Variants in FNDC1 observed in about 807,000 individuals in gnomAD.
The protein encoded by FNDC1 is fibronectin type III domain containing 1, also known as fibronectin type III domain-containing protein 1.
In FNDC1, 96 loss-of-function variants were observed where a neutral mutation model predicts 168.0. That is an observed-to-expected ratio of 0.57 (90% CI 0.48 to 0.68). The LOEUF (loss-of-function observed/expected upper bound fraction) is 0.68. Ranked by LOEUF, FNDC1 falls within the 30% of genes least tolerant of loss-of-function variation. The pLI is 0.00. For synonymous variants in FNDC1, 1,099 were observed against 1,025.9 expected (o/e 1.07, Z -1.36); for missense variants, 2,587 against 2,482.1 (o/e 1.04, Z -0.90).
chr6:159,216,676 G>T (rs543656256), intron 5 of FNDC1, among the ~76,000 whole-genome samples: 1 of 152,360 alleles, frequency 6.6e-6, no homozygotes, highest in Admixed American at 6.5e-5. Flanking sequence ...CCGGGCCACA[G>T]AGAGCACACG....
At chr6:159,179,515 C>A (rs971261056) in intron 1 of FNDC1, among the ~76,000 whole-genome samples, 3 of 152,164 alleles carry the variant, frequency 2.0e-5, no homozygotes, top group Non-Finnish European at 4.4e-5. Flanking sequence ...TCTTCAGGTT[C>A]TTTGTGCAAC....
At chr6:159,216,351 G>A (rs1782709808) in intron 5 of FNDC1, among the ~76,000 whole-genome samples, 1 of 152,194 alleles carries the variant, frequency 6.6e-6, no homozygotes, top group Non-Finnish European at 1.5e-5. Flanking sequence ...CCCTTATTGG[G>A]CAAAGGAAGC....
chr6:159,179,035 C>T (rs1781827769), intron 1 of FNDC1, among the ~76,000 whole-genome samples: 1 of 152,224 alleles, frequency 6.6e-6, no homozygotes, highest in African/African-American at 2.4e-5. Context: ...CACACCACGC[C>T]CTCCCTCACC....
intron 19 of FNDC1, among the ~76,000 whole-genome samples, chr6:159,263,775 A>G (rs1777539645): frequency 6.6e-6 from 1 of 152,000 alleles, no homozygotes; most frequent in South Asian, 2.1e-4. Context: ...ATAAAATAAG[A>G]TAAAATAAAA....
At chr6:159,221,532 C>T in intron 5 of FNDC1, 66 bp from the exon 6 acceptor site, 2 of 1,287,022 alleles carry the variant, frequency 1.6e-6, no homozygotes, top group African/African-American at 1.5e-5. Context: ...CCCGCTCCAG[C>T]CCCAGGGGAT....
At chr6:159,220,713 G>A (rs886494936) in intron 5 of FNDC1, among the ~76,000 whole-genome samples, 3 of 152,176 alleles carry the variant, frequency 2.0e-5, no homozygotes, top group African/African-American at 7.2e-5. Flanking sequence ...CAAGTGCAAT[G>A]GCCCCTGGTA....
At chr6:159,200,664 G>A (rs1782360539) in intron 4 of FNDC1, 83 bp downstream of exon 4, 7 of 1,108,118 alleles carry the variant, frequency 6.3e-6, no homozygotes, top group Non-Finnish European at 9.2e-6. Context: ...TCACACACAT[G>A]TGCTCACAAA....
intron 5 of FNDC1, among the ~76,000 whole-genome samples, chr6:159,217,179 G>A (rs1034319994): frequency 6.6e-6 from 1 of 152,258 alleles, no homozygotes; most frequent in Non-Finnish European, 1.5e-5. Flanking sequence ...GATGAGACCA[G>A]ACAAGGGCGT....
intron 4 of FNDC1, among the ~76,000 whole-genome samples, chr6:159,210,492 A>T (rs576261742): frequency 1.3e-5 from 2 of 152,310 alleles, no homozygotes; most frequent in African/African-American, 4.8e-5. Flanking sequence ...ATCACAGAAA[A>T]CCAGTACATA....
chr6:159,214,999 G>A lies in FNDC1; in HGVS notation c.515G>A (p.Arg172Lys). ...GTGCGTGTCCGGTCCTCAGATGACA[G>A]GCTGTCCGTTGCGTGGAAGGCACCA... is the stretch of plus-strand genomic sequence containing the variant. ...LRVRVRSSDD[R>K]LSVAWKAPRL... The change falls in exon 5 of 23, where the codon AGG becomes AAG. Residue 172 changes from arginine to lysine, a missense_variant. By Grantham distance (26) the Arg-to-Lys change is conservative. Coordinates refer to ENST00000297267, the MANE Select transcript of FNDC1 (RefSeq NM_032532.3). 1 of 1,614,060 alleles carries A rather than the reference G, an allele frequency of 6.2e-7. No individual in the cohort carries two copies. The highest frequency in any genetic ancestry group is 1.1e-5 in the South Asian group (1 of 91,084).
Position 159,232,489 on chromosome 6 carries a change from C to G in FNDC1, c.1977C>G (p.Pro659=). 1 of 1,612,508 alleles carries G rather than the reference C, an allele frequency of 6.2e-7. No individual in the cohort carries two copies. Among genetic ancestry groups the G allele is most frequent in the South Asian group, 1.1e-5 (1 of 90,894 alleles). ...AGCGCGCTGTGGGCTCCCTCCACCC[C>G]AAGGGCGCCTTCGCCCAGCCCCGGC... ...EDERAVGSLH[P]KGAFAQPRPA... Residue 659 remains proline, a synonymous_variant, in exon 11 of 23, where the codon CCC becomes CCG. Transcript: ENST00000297267. The surrounding 1 kb of genome is among the most constrained non-coding windows in gnomAD (Gnocchi z 4.9).
intron 1 of FNDC1, among the ~76,000 whole-genome samples, chr6:159,190,067 C>G (rs556695784): frequency 1.0e-3 from 154 of 152,292 alleles, no homozygotes; most frequent in African/African-American, 3.6e-3. Context: ...GCGGTATTCC[C>G]ATCTTTAATC....
At position 159,258,007 on chromosome 6, in the gene FNDC1, C is replaced by T. The variant is rs760098652; in HGVS notation, c.5174+1376C>T. On this transcript the variant is annotated intron_variant, in intron 18 of 22. Coordinates refer to ENST00000297267, the MANE Select transcript of FNDC1 (RefSeq NM_032532.3). ...GCCTTCCAGAGGCCTTGCCACAGAG[C>T]TACTTACAACAGAATCTGAATCACA... 5.6e-4 allele frequency among the ~76,000 whole-genome samples: 85 copies of T among 151,034 alleles called. 1 individual carries two copies. The highest frequency in any genetic ancestry group is 1.1e-3 in the Admixed American group (16 of 15,176).
chr6:159,266,799 A>G (rs1203368283), intron 21 of FNDC1, among the ~76,000 whole-genome samples: 3 of 152,020 alleles, frequency 2.0e-5, no homozygotes, highest in Non-Finnish European at 2.9e-5. Context: ...CAGAGAAAAA[A>G]TGTAAATGGT....
At chr6:159,217,694 T>C (rs1782735833) in intron 5 of FNDC1, among the ~76,000 whole-genome samples, 1 of 152,118 alleles carries the variant, frequency 6.6e-6, no homozygotes, top group Non-Finnish European at 1.5e-5. Context: ...GGTCTCCACA[T>C]GGTGGCGTAG....
intron 9 of FNDC1, among the ~76,000 whole-genome samples, chr6:159,229,501 C>T (rs1783035895): frequency 6.6e-6 from 1 of 152,146 alleles, no homozygotes; most frequent in South Asian, 2.1e-4. Flanking sequence ...TAAATAAATA[C>T]AATTTTAGAA....
chr6:159,253,204 C>G (rs922814397), intron 17 of FNDC1, among the ~76,000 whole-genome samples: 5 of 152,166 alleles, frequency 3.3e-5, no homozygotes, highest in Non-Finnish European at 5.9e-5. Context: ...ATAAGGCACT[C>G]CCAATACAGA....
At chr6:159,230,404 G>A (rs1372299774) in intron 10 of FNDC1, among the ~76,000 whole-genome samples, 1 of 152,170 alleles carries the variant, frequency 6.6e-6, no homozygotes, top group African/African-American at 2.4e-5. Flanking sequence ...CAGGAGACGG[G>A]TGAGGGTTAA....
intron 1 of FNDC1, 90 bp from the exon 2 acceptor site, chr6:159,197,341 C>T (rs2114944918): frequency 1.7e-6 from 2 of 1,205,014 alleles, no homozygotes. Flanking sequence ...ACGTCATTTA[C>T]TGTTTTCCTA....
Sources: allele counts gnomAD v4.1 joint callset (sites outside exome capture counted in the v4.1 genomes callset), GRCh38; gene constraint gnomAD v4.1.1; non-coding constraint Gnocchi (gnomAD v3.1); transcripts MANE v1.5; gene names NCBI Gene and HGNC (gene_info 2026-07-23, HGNC 2026-07-21).